Variants in SNTG2 observed in about 807,000 individuals in gnomAD.
SNTG2 encodes the protein gamma-2-syntrophin.
In SNTG2, 74 loss-of-function variants were observed where a neutral mutation model predicts 70.9. The observed-to-expected ratio is 1.04, with a 90% CI of 0.86 to 1.27. SNTG2 has a LOEUF of 1.27. SNTG2 is among the 50% of genes most tolerant of loss of function. SNTG2 has a pLI of 0.00. For synonymous variants in SNTG2, 278 were observed against 273.8 expected (o/e 1.02, Z -0.15); for missense variants, 717 against 690.7 (o/e 1.04, Z -0.43).
chr2:1,196,015 T>A (rs1362132813), intron 8 of SNTG2, among the ~76,000 whole-genome samples: 2 of 151,900 alleles, frequency 1.3e-5, no homozygotes, highest in Non-Finnish European at 2.9e-5. Context: ...GTTTGGAATC[T>A]TTTTTTTGTG....
At chr2:1,278,807 G>A (rs1679377462) in intron 14 of SNTG2, among the ~76,000 whole-genome samples, 1 of 152,134 alleles carries the variant, frequency 6.6e-6, no homozygotes, top group Non-Finnish European at 1.5e-5. Context: ...GTCAAACGTG[G>A]TCCAAAGATA....
intron 1 of SNTG2, among the ~76,000 whole-genome samples, chr2:1,057,777 A>G (rs1323893629): frequency 6.6e-6 from 1 of 152,034 alleles, no homozygotes. Context: ...AAATGCCTCT[A>G]AATGTGCACA....
intron 6 of SNTG2, among the ~76,000 whole-genome samples, chr2:1,139,232 T>C (rs1312716409): frequency 6.6e-6 from 1 of 152,142 alleles, no homozygotes; most frequent in African/African-American, 2.4e-5. Flanking sequence ...TTGTTTGTTT[T>C]GTTTCATTTT....
intron 1 of SNTG2, among the ~76,000 whole-genome samples, chr2:1,065,891 G>T (rs1001057835): frequency 2.0e-5 from 3 of 152,152 alleles, no homozygotes; most frequent in African/African-American, 7.2e-5. Context: ...TTTGGCTTTG[G>T]TGGTTTTTGT....
intron 10 of SNTG2, among the ~76,000 whole-genome samples, chr2:1,238,896 C>T (rs778799442): frequency 2.6e-5 from 4 of 152,222 alleles, no homozygotes; most frequent in Admixed American, 1.3e-4. Flanking sequence ...CACCACCTCA[C>T]GTCTCCCTTG....
intron 6 of SNTG2, among the ~76,000 whole-genome samples, chr2:1,142,502 AT>A (rs5828808): frequency 0.6 from 91,601 of 151,954 alleles, 28,080 homozygotes; most frequent in East Asian, 0.92. Flanking sequence ...GGTTTTTTCA[AT>A]TTTTTTGGCA....
rs560380837 is a variant in SNTG2 at position 1,233,816 on chromosome 2, G to C, written c.720-4072G>C. On this transcript the variant is annotated intron_variant, in intron 9 of 16. Transcript: ENST00000308624. The stretch of plus-strand genomic sequence containing the variant: ...GGCACGAGGAAACCCTGGGAGGAGG[G>C]TAGACTTTTCAAAAGTGCCGACACA... Among the ~76,000 whole-genome samples, 186 of 152,122 alleles carry C rather than the reference G, an allele frequency of 1.2e-3. 1 individual carries two copies. Among genetic ancestry groups the C allele is most frequent in the Non-Finnish European group, 2.0e-3 (134 of 68,008 alleles).
chr2:954,803 A>G (rs917973006), intron 1 of SNTG2, among the ~76,000 whole-genome samples: 8 of 152,184 alleles, frequency 5.3e-5, no homozygotes, highest in African/African-American at 1.7e-4. Flanking sequence ...TCTTCACCCC[A>G]TCAGCCTGAA....
At chr2:1,081,297 A>C (rs1190492729) in intron 1 of SNTG2, among the ~76,000 whole-genome samples, 4 of 152,176 alleles carry the variant, frequency 2.6e-5, no homozygotes, top group Admixed American at 6.5e-5. Flanking sequence ...GGCAATGGTG[A>C]GATATCCTCA....
chr2:1,123,657 C>A (rs1446384624), intron 4 of SNTG2, among the ~76,000 whole-genome samples: 1 of 152,218 alleles, frequency 6.6e-6, no homozygotes, highest in African/African-American at 2.4e-5. Context: ...GCAATAATTT[C>A]TTGGCTGTCA....
intron 4 of SNTG2, among the ~76,000 whole-genome samples, chr2:1,109,513 G>GCATGAT (rs1666303268): frequency 6.6e-6 from 1 of 152,056 alleles, no homozygotes; most frequent in African/African-American, 2.4e-5. Context: ...GGCAAGGGAC[G>GCATGAT]CATGATTATT....
chr2:1,319,134 G>A (rs1681414548), intron 16 of SNTG2, among the ~76,000 whole-genome samples: 1 of 152,238 alleles, frequency 6.6e-6, no homozygotes, highest in Non-Finnish European at 1.5e-5. Context: ...TTTGAGACCA[G>A]TATCAGGTCA....
intron 1 of SNTG2, among the ~76,000 whole-genome samples, chr2:1,018,202 G>T (rs1263823012): frequency 6.6e-6 from 1 of 152,148 alleles, no homozygotes; most frequent in Admixed American, 6.5e-5. Flanking sequence ...TCCCATTAAG[G>T]CTGGCTGATT....
At chr2:1,217,404 C>T (rs534068646) in intron 9 of SNTG2, among the ~76,000 whole-genome samples, 7 of 152,016 alleles carry the variant, frequency 4.6e-5, no homozygotes, top group Admixed American at 6.6e-5. Context: ...CTACACAGTA[C>T]GAGAAAAGAT....
intron 8 of SNTG2, among the ~76,000 whole-genome samples, chr2:1,179,139 C>T (rs181087714): frequency 1.2e-4 from 19 of 152,234 alleles, no homozygotes; most frequent in East Asian, 1.2e-3. Context: ...TCTGTGGGAT[C>T]GGTGGTGATA....
intron 1 of SNTG2, among the ~76,000 whole-genome samples, chr2:1,024,893 T>C (rs767072329): frequency 6.6e-6 from 1 of 152,210 alleles, no homozygotes; most frequent in Non-Finnish European, 1.5e-5. Context: ...CAGAAACTAA[T>C]ACTTACAATA....
At chr2:1,126,370 T>C (rs1667700127) in intron 4 of SNTG2, among the ~76,000 whole-genome samples, 1 of 152,240 alleles carries the variant, frequency 6.6e-6, no homozygotes, top group African/African-American at 2.4e-5. Flanking sequence ...CCACGTTGTC[T>C]TTATTCATTC....
intron 14 of SNTG2, among the ~76,000 whole-genome samples, chr2:1,272,397 G>A (rs1044145700): frequency 3.4e-5 from 5 of 146,806 alleles, no homozygotes; most frequent in Non-Finnish European, 5.9e-5. Context: ...AGGTCAGGTG[G>A]TAATGCTCAC....
At chr2:982,024 A>G (rs11127541) in intron 1 of SNTG2, among the ~76,000 whole-genome samples, 57,794 of 151,870 alleles carry the variant, frequency 0.38, 11,265 homozygotes, top group Middle Eastern at 0.46. Context: ...GCACACAGAC[A>G]CACACTCACA....
Sources: allele counts gnomAD v4.1 joint callset (sites outside exome capture counted in the v4.1 genomes callset), GRCh38; gene constraint gnomAD v4.1.1; transcripts MANE v1.5; gene names NCBI Gene and HGNC (gene_info 2026-07-23, HGNC 2026-07-21).